The following SPOCK1 variants were observed in gnomAD, a reference collection of about 807,000 sequenced individuals.
SPOCK1 encodes the protein testican-1.
SPOCK1 carries 23 observed loss-of-function variants against 55.3 expected under a neutral mutation model. That is an observed-to-expected ratio of 0.42 (90% CI 0.30 to 0.59). The LOEUF is 0.59. SPOCK1 is among the 20% of genes least tolerant of loss of function. SPOCK1 has a pLI of 0.22. For missense variants in SPOCK1, 499 were observed against 552.5 expected (o/e 0.90, Z 0.97); for synonymous variants, 226 against 221.0 (o/e 1.02, Z -0.20).
chr5:137,089,778 T>C (rs1457092590), intron 5 of SPOCK1, among the ~76,000 whole-genome samples: 1 of 152,254 alleles, frequency 6.6e-6, no homozygotes, highest in African/African-American at 2.4e-5. Context: ...ATTGGAAATG[T>C]ATTCTCAATT....
intron 2 of SPOCK1, among the ~76,000 whole-genome samples, chr5:137,411,528 G>C (rs1752208159): frequency 6.6e-6 from 1 of 152,162 alleles, no homozygotes; most frequent in Non-Finnish European, 1.5e-5. Context: ...AATACTATTG[G>C]CATTTGAAGA....
chr5:137,017,936 A>T (rs1751483863), intron 6 of SPOCK1, among the ~76,000 whole-genome samples: 1 of 152,258 alleles, frequency 6.6e-6, no homozygotes, highest in Admixed American at 6.5e-5. Flanking sequence ...AAATCAAGCC[A>T]GAAAATTCTC....
intron 3 of SPOCK1, among the ~76,000 whole-genome samples, chr5:137,210,786 T>C (rs186165872): frequency 3.7e-4 from 56 of 152,318 alleles, no homozygotes; most frequent in African/African-American, 1.3e-3. Context: ...AATTCTGTTA[T>C]TTGTATTCTC....
At chr5:137,310,426 G>A (rs1757769767) in intron 2 of SPOCK1, among the ~76,000 whole-genome samples, 1 of 152,208 alleles carries the variant, frequency 6.6e-6, no homozygotes, top group Non-Finnish European at 1.5e-5. Flanking sequence ...CGTCTACTGA[G>A]TTATTAGCTA....
At chr5:137,469,753 G>A (rs188797957) in intron 2 of SPOCK1, among the ~76,000 whole-genome samples, 1 of 152,292 alleles carries the variant, frequency 6.6e-6, no homozygotes, top group East Asian at 1.9e-4. Flanking sequence ...GCTCAGAACT[G>A]TCTTGTCATG....
At chr5:137,258,912 G>A (rs887731735) in intron 3 of SPOCK1, among the ~76,000 whole-genome samples, 4 of 152,154 alleles carry the variant, frequency 2.6e-5, no homozygotes, top group Non-Finnish European at 4.4e-5. Context: ...GGGGCACAGA[G>A]TCCTGAGAGC....
chr5:137,205,080 C>T (rs958188508), intron 3 of SPOCK1, among the ~76,000 whole-genome samples: 1 of 152,142 alleles, frequency 6.6e-6, no homozygotes, highest in Admixed American at 6.6e-5. Flanking sequence ...TACAAGTTTG[C>T]TGAAGTTGAT....
chr5:137,340,277 C>T (rs1330392317), intron 2 of SPOCK1, among the ~76,000 whole-genome samples: 2 of 152,108 alleles, frequency 1.3e-5, no homozygotes, highest in African/African-American at 2.4e-5. Context: ...TGACACTGGC[C>T]GCCTGAACTT....
chr5:137,252,881 A>C (rs917292821), intron 3 of SPOCK1, among the ~76,000 whole-genome samples: 1 of 152,094 alleles, frequency 6.6e-6, no homozygotes, highest in Non-Finnish European at 1.5e-5. Context: ...CCACACTTCG[A>C]AGCTGGACAA....
chr5:137,356,127 C>A (rs1177434502), intron 2 of SPOCK1, among the ~76,000 whole-genome samples: 2 of 152,178 alleles, frequency 1.3e-5, no homozygotes, highest in Admixed American at 1.3e-4. Context: ...CCAAGCTCTG[C>A]GACCTCCTTA....
chr5:137,411,347 G>C lies in SPOCK1; in HGVS notation c.186+87026C>G, dbSNP rs533125515. Among the ~76,000 whole-genome samples the C allele has an allele frequency of 2.6e-5, 4 of 152,240 alleles. No individual in the cohort carries two copies. The East Asian group carries it at 7.7e-4, about 29-fold the overall frequency. On this transcript the variant is annotated intron_variant, in intron 2 of 10. Coordinates refer to ENST00000394945, the MANE Select transcript of SPOCK1 (RefSeq NM_004598.4). ...AGTTACAAGCAGGAGGCAAGATGGA[G>C]GGTGTTCTATAGGATCACAGCAAAC...
chr5:137,147,695 C>G (rs955427912), intron 3 of SPOCK1, among the ~76,000 whole-genome samples: 3 of 152,174 alleles, frequency 2.0e-5, no homozygotes, highest in Non-Finnish European at 2.9e-5. Flanking sequence ...TAGAGGCCCC[C>G]TCTCCAAATA....
chr5:137,107,428 C>T (rs1753390095), intron 5 of SPOCK1, among the ~76,000 whole-genome samples: 1 of 152,214 alleles, frequency 6.6e-6, no homozygotes, highest in Non-Finnish European at 1.5e-5. Flanking sequence ...CTATATCACA[C>T]TCTCAAACCA....
At chr5:137,330,751 T>C (rs1758161464) in intron 2 of SPOCK1, among the ~76,000 whole-genome samples, 1 of 152,236 alleles carries the variant, frequency 6.6e-6, no homozygotes, top group Non-Finnish European at 1.5e-5. Flanking sequence ...GTGTGAATCT[T>C]TGCAAAGATC....
At chr5:137,366,106 T>C (rs1341228096) in intron 2 of SPOCK1, among the ~76,000 whole-genome samples, 2 of 152,262 alleles carry the variant, frequency 1.3e-5, no homozygotes, top group East Asian at 1.9e-4. Context: ...TGAAGTTCAG[T>C]GAGCAGGAAA....
chr5:137,140,747 A>ATTTTTTTT (rs11309240), intron 3 of SPOCK1, 53 bp from the exon 4 acceptor site: 14 of 352,308 alleles, frequency 4.0e-5, no homozygotes, highest in Admixed American at 3.0e-4. Context: ...GGGAAATTTA[A>ATTTTTTTT]TTTTTTTTTT....
chr5:137,199,466 G>A (rs566036008), intron 3 of SPOCK1, among the ~76,000 whole-genome samples: 16 of 152,230 alleles, frequency 1.1e-4, no homozygotes, highest in Admixed American at 5.2e-4. Flanking sequence ...CAAAGTTGAC[G>A]AGGATGGTGC....
chr5:137,413,980 G>T (rs1178985638), intron 2 of SPOCK1, among the ~76,000 whole-genome samples: 1 of 152,056 alleles, frequency 6.6e-6, no homozygotes, highest in African/African-American at 2.4e-5. Flanking sequence ...AAATATATGT[G>T]CACTTACAGG....
At chr5:137,235,232 T>C (rs1021115451) in intron 3 of SPOCK1, among the ~76,000 whole-genome samples, 1 of 152,226 alleles carries the variant, frequency 6.6e-6, no homozygotes, top group South Asian at 2.1e-4. Context: ...CAGGGAGCCA[T>C]GGCCAAGTCC....
Sources: gnomAD v4.1 joint callset for allele counts (sites outside exome capture counted in the v4.1 genomes callset) on GRCh38, gnomAD v4.1.1 for gene constraint, MANE v1.5 for transcripts, NCBI Gene and HGNC (gene_info 2026-07-23, HGNC 2026-07-21) for gene names.